IQCH: variants seen among roughly 807,000 people sequenced by gnomAD.
The protein encoded by IQCH is IQ motif containing H, also known as IQ domain-containing protein H.
IQCH carries 98 observed loss-of-function variants against 117.0 expected under a neutral mutation model. The ratio of observed to expected loss-of-function variants is 0.84; its 90% CI spans 0.71 to 0.99. The LOEUF is 0.99. Ranked by LOEUF, IQCH falls within the 50% of genes least tolerant of loss-of-function variation. The probability of loss-of-function intolerance (pLI) is 0.00; values close to 1 mark genes in which losing one functional copy is unlikely to be tolerated. For synonymous variants in IQCH, 412 were observed against 448.2 expected, an observed-to-expected ratio of 0.92 and a Z score of 1.02; for missense variants, 1,102 against 1,243.8, an observed-to-expected ratio of 0.89 and a Z score of 1.72.
intron 3 of IQCH, among the ~76,000 whole-genome samples, chr15:67,264,487 C>T (rs1256752617): frequency 6.6e-6 from 1 of 152,174 alleles, no homozygotes; most frequent in Non-Finnish European, 1.5e-5. Context: ...CTTCCAAGCT[C>T]ACTCATATAG....
Position 67,454,576 on chromosome 15 carries a change from C to T in IQCH, c.2506-10551C>T, listed in dbSNP as rs1478216005. Among the ~76,000 whole-genome samples, 4 of 152,226 alleles carry T rather than the reference C, an allele frequency of 2.6e-5. No individual in the cohort carries two copies. In the East Asian group the frequency reaches 5.8e-4, roughly 22 times the overall value. On this transcript the variant is annotated intron_variant, in intron 16 of 20. Coordinates refer to ENST00000335894, the MANE Select transcript of IQCH (RefSeq NM_001031715.3). The surrounding 1 kb of genome is among the most constrained non-coding windows in gnomAD (Gnocchi z 5.2). ...AGAAGTCACTCCCCATACCTCCTTC[C>T]TCACAGCCACTGGAAAACATTTTCC... is the stretch of plus-strand genomic sequence containing the variant.
At chr15:67,410,098 C>T (rs768580514) in intron 14 of IQCH, among the ~76,000 whole-genome samples, 5 of 152,144 alleles carry the variant, frequency 3.3e-5, no homozygotes, top group Non-Finnish European at 7.3e-5. Context: ...ATGAGAGTTA[C>T]CAGTGCACAC....
intron 16 of IQCH, among the ~76,000 whole-genome samples, chr15:67,455,580 T>C (rs2082640241): frequency 6.6e-6 from 1 of 152,244 alleles, no homozygotes; most frequent in East Asian, 1.9e-4. Context: ...TTAGGGCCAA[T>C]GCCACATGCT....
At chr15:67,448,857 G>A (rs1043423719) in intron 16 of IQCH, among the ~76,000 whole-genome samples, 34 of 152,268 alleles carry the variant, frequency 2.2e-4, no homozygotes, top group African/African-American at 7.9e-4. Flanking sequence ...GTGTAAAAGT[G>A]TTCCTATTTC....
At chr15:67,306,837 A>G in intron 4 of IQCH, 3 of 1,533,238 alleles carry the variant, frequency 2.0e-6, no homozygotes, top group Non-Finnish European at 2.6e-6. Flanking sequence ...AGGTCCTCAA[A>G]GGTATGTGGA....
chr15:67,395,934 T>C lies in IQCH; in HGVS notation c.1905+371T>C, dbSNP rs1971456651. 6.6e-6 allele frequency among the ~76,000 whole-genome samples: 1 copy of C among 152,052 alleles called. No homozygotes were observed. Among genetic ancestry groups the C allele is most frequent in the African/African-American group, 2.4e-5 (1 of 41,388 alleles). ...ATCTGCCCACCTCAGCCTCCCAAAG[T>C]GCTGGGATTACCAGCGTGAGCCACT... On this transcript the variant is annotated intron_variant, in intron 13 of 20. Coordinates refer to ENST00000335894, the MANE Select transcript of IQCH (RefSeq NM_001031715.3). This position sits in a 1 kb window ranked among gnomAD's most constrained non-coding sequence, Gnocchi z 4.0.
intron 4 of IQCH, among the ~76,000 whole-genome samples, chr15:67,312,755 G>A (rs1263503316): frequency 6.6e-6 from 1 of 152,176 alleles, no homozygotes; most frequent in Non-Finnish European, 1.5e-5. Context: ...ACTTCAGCAA[G>A]TAGTGTGATA....
chr15:67,403,387 A>G lies in IQCH; in HGVS notation c.2097+3082A>G, dbSNP rs1022002918. Among the ~76,000 whole-genome samples, 5 of 152,216 alleles carry G rather than the reference A, an allele frequency of 3.3e-5. No individual in the cohort carries two copies. Among genetic ancestry groups the G allele is most frequent in the South Asian group, 2.1e-4 (1 of 4,834 alleles). The stretch of plus-strand genomic sequence containing the variant: ...TTGTAGTCACGGTTAAAAAAAAATC[A>G]GTAGAGACATGTAGGTGATTTTTAG... On this transcript the variant is annotated intron_variant, in intron 14 of 20. Transcript: ENST00000335894. The surrounding 1 kb of genome is among the most constrained non-coding windows in gnomAD (Gnocchi z 4.8).
intron 16 of IQCH, among the ~76,000 whole-genome samples, chr15:67,460,293 G>A (rs767457587): frequency 2.0e-4 from 30 of 152,148 alleles, no homozygotes; most frequent in Non-Finnish European, 2.9e-4. Context: ...TGCAGTTATC[G>A]TGATTCTGCT....
rs527746001 is a variant in IQCH at position 67,425,144 on chromosome 15, C to A, written c.2505+3567C>A. 2.0e-5 allele frequency among the ~76,000 whole-genome samples: 3 copies of A among 152,244 alleles called. No homozygotes were observed. In the South Asian group the frequency reaches 6.2e-4, roughly 32 times the overall value. On this transcript the variant is annotated intron_variant, in intron 16 of 20. Coordinates refer to ENST00000335894, the MANE Select transcript of IQCH (RefSeq NM_001031715.3). The surrounding 1 kb of genome is among the most constrained non-coding windows in gnomAD (Gnocchi z 5.5). ...TCTTTTCTTAATTGCCTAATCATAT[C>A]TTTTGCCCCAGTTAAATTGGACTAT...
At chr15:67,279,869 G>T (rs940133845) in intron 4 of IQCH, among the ~76,000 whole-genome samples, 1 of 152,100 alleles carries the variant, frequency 6.6e-6, no homozygotes, top group Non-Finnish European at 1.5e-5. Context: ...GGGCGTGGTG[G>T]TGGGCGCCTG....
Position 67,456,792 on chromosome 15 carries a change from C to T in IQCH, c.2506-8335C>T, listed in dbSNP as rs959322470. On this transcript the variant is annotated intron_variant, in intron 16 of 20. Coordinates refer to ENST00000335894, the MANE Select transcript of IQCH (RefSeq NM_001031715.3). The surrounding 1 kb of genome is among the most constrained non-coding windows in gnomAD (Gnocchi z 5.1). ...AAGTTTTGAAGGCCTTTGAAAATCA[C>T]GGAAGTCTTAGGTACGCCTGGCCCT... Among the ~76,000 whole-genome samples, 7 of 151,894 alleles carry T rather than the reference C, an allele frequency of 4.6e-5. No homozygotes were observed. The highest frequency in any genetic ancestry group is 7.4e-5 in the Non-Finnish European group (5 of 67,980).
At chr15:67,282,720 T>C (rs1966411769) in intron 4 of IQCH, among the ~76,000 whole-genome samples, 2 of 152,192 alleles carry the variant, frequency 1.3e-5, no homozygotes, top group Admixed American at 6.5e-5. Context: ...ACTGGGATAT[T>C]ACTACCTTTA....
Position 67,501,237 on chromosome 15 carries a change from T to C in IQCH, c.*491T>C, listed in dbSNP as rs1441931862. ...AAAGCTTCAAATTATATTGAAATTATATTTATATGAATTTTTAAGTGACTA... is the reference window on the plus strand; with the variant it reads ...AAAGCTTCAAATTATATTGAAATTACATTTATATGAATTTTTAAGTGACTA... On this transcript the variant is annotated 3_prime_UTR_variant, in exon 21 of 21. Coordinates refer to ENST00000335894, the MANE Select transcript of IQCH (RefSeq NM_001031715.3). This position sits in a 1 kb window ranked among gnomAD's most constrained non-coding sequence, Gnocchi z 5.2. 6.6e-6 allele frequency: 1 copy of C among 152,362 alleles called. No homozygotes were observed. The highest frequency in any genetic ancestry group is 1.9e-4 in the East Asian group (1 of 5,190). 9.4% of individuals were successfully genotyped at this position (152,362 alleles called of 1,614,324 possible). A position where few individuals can be genotyped will look rare whatever the true frequency, so the allele number is the denominator to read the frequency against.
chr15:67,487,459 A>ACACAC (rs2083520988), intron 18 of IQCH, among the ~76,000 whole-genome samples: 1 of 117,878 alleles, frequency 8.5e-6, no homozygotes, highest in Admixed American at 8.2e-5. Flanking sequence ...CACACACACA[A>ACACAC]CCCTCATTAA....
intron 4 of IQCH, among the ~76,000 whole-genome samples, chr15:67,310,356 TTAGA>T (rs553112605): frequency 3.3e-5 from 5 of 152,130 alleles, no homozygotes; most frequent in Non-Finnish European, 5.9e-5. Context: ...GTGTTTTTTA[TTAGA>T]TAGGGTGTAG....
rs569202177 is a variant in IQCH at position 67,258,068 on chromosome 15, A to G, written c.51+3121A>G. Among the ~76,000 whole-genome samples the G allele has an allele frequency of 6.0e-5, 9 of 151,230 alleles. No individual in the cohort carries two copies. In the South Asian group the frequency reaches 1.3e-3, roughly 21 times the overall value. On this transcript the variant is annotated intron_variant, in intron 1 of 20. Coordinates refer to ENST00000335894, the MANE Select transcript of IQCH (RefSeq NM_001031715.3). ...AACATGGCAAAACCCCGTCTCTACTAAAAAATACAAAAATTAGCTAGGTGT... is the reference window on the plus strand; with the variant it reads ...AACATGGCAAAACCCCGTCTCTACTGAAAAATACAAAAATTAGCTAGGTGT...
chr15:67,321,526 T>G (rs1968132572), intron 4 of IQCH, among the ~76,000 whole-genome samples: 1 of 151,318 alleles, frequency 6.6e-6, no homozygotes, highest in African/African-American at 2.4e-5. Flanking sequence ...TCTTTCTTTC[T>G]TTCTTTCCTT....
intron 16 of IQCH, among the ~76,000 whole-genome samples, chr15:67,429,650 C>G (rs983187981): frequency 6.6e-6 from 1 of 152,236 alleles, no homozygotes; most frequent in African/African-American, 2.4e-5. Context: ...CACATACACA[C>G]AGGTCTTACA....
Sources: gnomAD v4.1 joint callset for allele counts (sites outside exome capture counted in the v4.1 genomes callset) on GRCh38, gnomAD v4.1.1 for gene constraint, Gnocchi (gnomAD v3.1) non-coding constraint, MANE v1.5 for transcripts, NCBI Gene and HGNC (gene_info 2026-07-23, HGNC 2026-07-21) for gene names.